Variants in MAGEC3 observed in about 807,000 individuals in gnomAD.
The protein encoded by MAGEC3 is melanoma-associated antigen C3.
Under a neutral mutation model 35.3 loss-of-function variants are expected in MAGEC3, and 34 were observed. The ratio of observed to expected loss-of-function variants is 0.96; its 90% confidence interval spans 0.73 to 1.28. The LOEUF (loss-of-function observed/expected upper bound fraction) is 1.28. MAGEC3 is among the 50% of genes most tolerant of loss of function. MAGEC3 has a pLI of 0.00. For synonymous variants in MAGEC3, 202 were observed against 185.6 expected, an observed-to-expected ratio of 1.09 and a Z score of -0.72; for missense variants, 561 against 483.6, an observed-to-expected ratio of 1.16 and a Z score of -1.50.
chrX:141,843,391 A>G (rs922915236), intron 1 of MAGEC3, among the ~76,000 whole-genome samples: 9 of 111,569 alleles, frequency 8.1e-5, no homozygotes, highest in Non-Finnish European at 1.5e-4. Flanking sequence ...CAGCTAATTT[A>G]GACAACCCAT....
At position 141,896,993 on chromosome X, in the gene MAGEC3, C is replaced by A; in HGVS notation, c.1235C>A (p.Pro412His). 1 of 1,207,761 alleles carries A rather than the reference C, an allele frequency of 8.3e-7. No homozygotes were observed. The highest frequency in any genetic ancestry group is 1.7e-5 in the African/African-American group (1 of 57,671). The change falls in exon 7 of 8, where the codon CCC (proline) becomes CAC (histidine). Residue 412 changes from proline to histidine, a missense_variant. By Grantham distance (77) the Pro-to-His change is moderately conservative (BLOSUM62 -2). Transcript: ENST00000298296. Reference protein sequence around the residue: ...ISPQGPPQSPPQSPLDSCSSP... With the variant: ...ISPQGPPQSPHQSPLDSCSSP... Reference sequence around the variant, plus strand: ...CCCCAGGGTCCTCCGCAGAGTCCTCCCCAGAGTCCTCTAGACTCCTGCTCA... The same window carrying A: ...CCCCAGGGTCCTCCGCAGAGTCCTCACCAGAGTCCTCTAGACTCCTGCTCA...
chrX:141,876,836 G>C, intron 2 of MAGEC3, among the ~76,000 whole-genome samples: 1 of 112,115 alleles, frequency 8.9e-6, no homozygotes. Flanking sequence ...AATCAGTTAA[G>C]CACATGTTTA....
chrX:141,863,145 C>T lies in MAGEC3; in HGVS notation c.124-2326C>T, dbSNP rs760364202. 1.2e-3 allele frequency among the ~76,000 whole-genome samples: 134 copies of T among 111,586 alleles called. 1 individual carries two copies. Among genetic ancestry groups the T allele is most frequent in the Non-Finnish European group, 1.9e-3 (101 of 53,101 alleles). On this transcript the variant is annotated intron_variant, in intron 1 of 7. Transcript: ENST00000298296. ...TTGCAGAATCTGAGAAATGGATATA[C>T]GGAGTTTCACTACTACCTTATCTAT...
intron 3 of MAGEC3, among the ~76,000 whole-genome samples, chrX:141,879,891 A>G (rs2017949342): frequency 9.0e-6 from 1 of 111,111 alleles, no homozygotes; most frequent in African/African-American, 3.3e-5. Flanking sequence ...TCTTCATGAC[A>G]GAAGAAGGGA....
At chrX:141,867,195 G>A (rs986930835) in intron 2 of MAGEC3, among the ~76,000 whole-genome samples, 5 of 111,477 alleles carry the variant, frequency 4.5e-5, no homozygotes, top group Non-Finnish European at 7.5e-5. Flanking sequence ...TGTTATTACT[G>A]TAGCCTTACA....
At chrX:141,842,822 A>C (rs140321564) in intron 1 of MAGEC3, among the ~76,000 whole-genome samples, 1 of 111,338 alleles carries the variant, frequency 9.0e-6, no homozygotes, top group African/African-American at 3.3e-5. Context: ...TCTCTCCTAC[A>C]TTGTTAGCTA....
intron 1 of MAGEC3, among the ~76,000 whole-genome samples, chrX:141,858,337 A>G (rs896070157): frequency 5.4e-5 from 6 of 110,457 alleles, no homozygotes; most frequent in Non-Finnish European, 1.1e-4. Context: ...AAGTAATTCC[A>G]GGTATCGGTT....
At chrX:141,881,263 C>A in intron 3 of MAGEC3, 140 bp from the exon 4 acceptor site, 2 of 655,031 alleles carry the variant, frequency 3.1e-6, no homozygotes, top group Middle Eastern at 4.0e-4. Context: ...TGGGATGCTG[C>A]CTCTTCCCCA....
intron 4 of MAGEC3, 149 bp downstream of exon 4, chrX:141,881,945 C>A: frequency 1.3e-6 from 1 of 790,220 alleles, no homozygotes; most frequent in Non-Finnish European, 1.9e-6. Context: ...AGAGCCCATT[C>A]AGAAACTAGC....
At chrX:141,895,640 G>A (rs1354528813) in intron 6 of MAGEC3, 81 bp downstream of exon 6, 4 of 936,461 alleles carry the variant, frequency 4.3e-6, no homozygotes, top group Non-Finnish European at 5.7e-6. Flanking sequence ...GCTTCCCAGA[G>A]ATTCCCACCC....
In MAGEC3 at chrX:141,855,322, TTCAA is replaced by T. The variant is rs372753534; in HGVS notation, c.124-10143_124-10140del. Among the ~76,000 whole-genome samples, 490 of 111,174 alleles carry T rather than the reference TTCAA, an allele frequency of 4.4e-3. 7 individuals are homozygous for T. Among genetic ancestry groups the T allele is most frequent in the African/African-American group, 0.015 (459 of 30,642 alleles). On this transcript the variant is annotated intron_variant, in intron 1 of 7. Coordinates refer to ENST00000298296, the MANE Select transcript of MAGEC3 (RefSeq NM_138702.1). Reference sequence around the variant, plus strand: ...CTAGAATTATATCTAGAAAATCCTATTCAATCAATATTTTAAAACTACTAATCAT... The same window carrying T: ...CTAGAATTATATCTAGAAAATCCTATTCAATATTTTAAAACTACTAATCAT...
chrX:141,870,939 C>T (rs762782025), intron 2 of MAGEC3, among the ~76,000 whole-genome samples: 1 of 112,276 alleles, frequency 8.9e-6, no homozygotes, highest in African/African-American at 3.2e-5. Context: ...ATGTAGACCA[C>T]ATTTTTACAC....
chrX:141,895,467 T>G lies in MAGEC3; in HGVS notation c.1049-18T>G. 8.3e-7 allele frequency: 1 copy of G among 1,210,636 alleles called. No homozygotes were observed. The highest frequency in any genetic ancestry group is 1.1e-6 in the Non-Finnish European group (1 of 895,076). ...ACCAAGGACAGAAGAAGCCCCGGTC[T>G]GCCCTGCGCTGCCATAGGACTTGCA... On this transcript the variant is annotated intron_variant, in intron 5 of 7. Coordinates refer to ENST00000298296, the MANE Select transcript of MAGEC3 (RefSeq NM_138702.1).
intron 1 of MAGEC3, among the ~76,000 whole-genome samples, chrX:141,841,039 A>G (rs1387246711): frequency 1.8e-5 from 2 of 111,381 alleles, no homozygotes; most frequent in African/African-American, 3.3e-5. Flanking sequence ...AAATAATGTG[A>G]TAATAACTTC....
intron 4 of MAGEC3, among the ~76,000 whole-genome samples, chrX:141,884,083 A>T (rs1195076513): frequency 8.9e-6 from 1 of 112,958 alleles, no homozygotes; most frequent in Non-Finnish European, 1.9e-5. Flanking sequence ...GTATTGTGTG[A>T]TGGTTAATAC....
chrX:141,896,406 G>A, intron 6 of MAGEC3: 1 of 1,107,545 alleles, frequency 9.0e-7, no homozygotes, highest in Non-Finnish European at 1.2e-6. Context: ...TGTGCCCCGA[G>A]GTGCTTTCTC....
chrX:141,865,682 G>C, intron 2 of MAGEC3, 77 bp downstream of exon 2: 1 of 1,070,161 alleles, frequency 9.3e-7, no homozygotes, highest in Admixed American at 2.7e-5. Flanking sequence ...TCCCTGTGCT[G>C]TTAGCCCTGG....
At chrX:141,896,477 C>T (rs1351759155) in intron 6 of MAGEC3, 2 of 1,170,916 alleles carry the variant, frequency 1.7e-6, no homozygotes, top group African/African-American at 3.6e-5. Flanking sequence ...CCTGTGAGGC[C>T]CTAGAGCACC....
chrX:141,889,552 G>T (rs915910658), intron 4 of MAGEC3, among the ~76,000 whole-genome samples: 4 of 112,245 alleles, frequency 3.6e-5, no homozygotes, highest in African/African-American at 1.3e-4. Context: ...TACAGTGTTT[G>T]CTGGGGTGAT....
Sources: allele counts gnomAD v4.1 joint callset (sites outside exome capture counted in the v4.1 genomes callset), GRCh38; gene constraint gnomAD v4.1.1; transcripts MANE v1.5; gene names NCBI Gene and HGNC (gene_info 2026-07-23, HGNC 2026-07-21).